The following EPHA5 variants were observed in gnomAD, a reference collection of about 807,000 sequenced individuals.
The protein encoded by EPHA5 is EPH receptor A5.
Under a neutral mutation model 105.0 loss-of-function variants are expected in EPHA5, and 60 were observed. The ratio of observed to expected loss-of-function variants is 0.57; its 90% CI spans 0.46 to 0.71. EPHA5 has a LOEUF of 0.71. Among genes scored for constraint, EPHA5 ranks in the 30% least tolerant of loss-of-function variants. EPHA5 has a pLI of 0.00. For synonymous variants in EPHA5, 513 were observed against 449.1 expected (o/e 1.14, Z -1.80); for missense variants, 1,218 against 1,274.7 (o/e 0.96, Z 0.68).
chr4:65,576,090 AAAG>A (rs1227750460), intron 3 of EPHA5, among the ~76,000 whole-genome samples: 1,329 of 108,452 alleles, frequency 0.012, 45 homozygotes, highest in East Asian at 0.033. Context: ...AAAGAAAAGA[AAAG>A]AAAAGAAAAG....
intron 2 of EPHA5, among the ~76,000 whole-genome samples, chr4:65,607,114 G>A (rs1421909489): frequency 6.6e-6 from 1 of 151,812 alleles, no homozygotes; most frequent in Non-Finnish European, 1.5e-5. Flanking sequence ...GGTATGTTTT[G>A]TTTCACACAC....
intron 1 of EPHA5, among the ~76,000 whole-genome samples, chr4:65,644,122 A>G (rs190624064): frequency 1.3e-5 from 2 of 152,130 alleles, no homozygotes; most frequent in African/African-American, 4.8e-5. Flanking sequence ...GATATATTAT[A>G]TATGGGAATC....
At chr4:65,627,010 C>G (rs1455353392) in intron 2 of EPHA5, among the ~76,000 whole-genome samples, 1 of 152,102 alleles carries the variant, frequency 6.6e-6, no homozygotes, top group Non-Finnish European at 1.5e-5. Flanking sequence ...ATCTGGCCAT[C>G]CAACATACCC....
Position 65,669,811 on chromosome 4 carries a change from G to T in EPHA5, c.-69C>A. ...TCCACCGCTTCGGCCTCGCAGAGCG[G>T]CGAAGGGAGACTCGGGAGTCCTCCT... is the stretch of plus-strand genomic sequence containing the variant. On this transcript the variant is annotated 5_prime_UTR_variant, in exon 1 of 17. Transcript: ENST00000613740. The T allele has an allele frequency of 8.1e-7, 1 of 1,233,926 alleles. No individual in the cohort carries two copies. Among genetic ancestry groups the T allele is most frequent in the Non-Finnish European group, 1.0e-6 (1 of 989,072 alleles). The allele number at this position is 1,233,926 out of a possible 1,614,324, so 76.4% of individuals were successfully genotyped here.
chr4:65,640,275 G>GT (rs36189833), intron 2 of EPHA5, among the ~76,000 whole-genome samples: 72,564 of 127,842 alleles, frequency 0.57, 22,278 homozygotes, highest in Middle Eastern at 0.66. Flanking sequence ...TCATTGCTCA[G>GT]TTTTTTCTTT....
chr4:65,639,658 A>T (rs1407751965), intron 2 of EPHA5, among the ~76,000 whole-genome samples: 3 of 152,136 alleles, frequency 2.0e-5, no homozygotes, highest in African/African-American at 7.2e-5. Context: ...TATTTCCATT[A>T]ATACTTCAAA....
chr4:65,414,454 G>A lies in EPHA5; in HGVS notation c.1528-11C>T, dbSNP rs774832245. On this transcript the variant is annotated splice_polypyrimidine_tract_variant and intron_variant, in intron 6 of 16. Coordinates refer to ENST00000613740, the MANE Select transcript of EPHA5 (RefSeq NM_001281766.3). ...GCTGGTCTCTTGGTCCTTGGGATGCGCATGCATATACAATAAAAAAGACAG... is the reference window on the plus strand; with the variant it reads ...GCTGGTCTCTTGGTCCTTGGGATGCACATGCATATACAATAAAAAAGACAG... 1.2e-5 allele frequency: 20 copies of A among 1,613,112 alleles called. No homozygotes were observed. The highest frequency in any genetic ancestry group is 4.5e-5 in the East Asian group (2 of 44,832).
intron 6 of EPHA5, among the ~76,000 whole-genome samples, chr4:65,417,012 A>C (rs2149027986): frequency 6.6e-6 from 1 of 152,316 alleles, no homozygotes; most frequent in East Asian, 1.9e-4. Flanking sequence ...CAGCTGAGCA[A>C]ATGAGCTACA....
chr4:65,468,394 T>C (rs1002786282), intron 5 of EPHA5, among the ~76,000 whole-genome samples: 8 of 150,614 alleles, frequency 5.3e-5, no homozygotes, highest in African/African-American at 2.0e-4. Context: ...CTTTGAGTAA[T>C]AGAAATCTAT....
At chr4:65,361,643 A>C (rs952737891) in intron 11 of EPHA5, among the ~76,000 whole-genome samples, 1 of 151,746 alleles carries the variant, frequency 6.6e-6, no homozygotes, top group Admixed American at 6.6e-5. Flanking sequence ...GATAATTATA[A>C]ATTTACAAAG....
chr4:65,432,271 T>G (rs1200277878), intron 5 of EPHA5, among the ~76,000 whole-genome samples: 1 of 152,214 alleles, frequency 6.6e-6, no homozygotes, highest in Non-Finnish European at 1.5e-5. Flanking sequence ...ATTTGCTTTT[T>G]GAAGTAATGG....
intron 4 of EPHA5, among the ~76,000 whole-genome samples, chr4:65,492,287 C>T (rs376163824): frequency 4.4e-4 from 67 of 151,982 alleles, no homozygotes; most frequent in Middle Eastern, 3.4e-3. Flanking sequence ...TTGCCACCTC[C>T]GCCTCCCAGG....
intron 1 of EPHA5, among the ~76,000 whole-genome samples, chr4:65,646,293 G>C (rs751964087): frequency 8.5e-5 from 13 of 152,066 alleles, no homozygotes; most frequent in Non-Finnish European, 2.9e-5. Flanking sequence ...TTTGACTCAC[G>C]CCTATGAACC....
intron 3 of EPHA5, among the ~76,000 whole-genome samples, chr4:65,538,325 C>CA (rs749233711): frequency 7.9e-5 from 12 of 151,620 alleles, no homozygotes; most frequent in Non-Finnish European, 1.6e-4. Context: ...ACCAATTCAG[C>CA]AAAAATGTTT....
chr4:65,425,355 T>G (rs1028638238), intron 5 of EPHA5, among the ~76,000 whole-genome samples: 11 of 152,142 alleles, frequency 7.2e-5, no homozygotes, highest in African/African-American at 2.7e-4. Flanking sequence ...CTCACTGCTA[T>G]GCACACTTTA....
chr4:65,473,091 A>T (rs1229351830), intron 5 of EPHA5, among the ~76,000 whole-genome samples: 1 of 152,182 alleles, frequency 6.6e-6, no homozygotes, highest in African/African-American at 2.4e-5. Flanking sequence ...GCATAGCAAG[A>T]ATGACCTTTT....
intron 8 of EPHA5, among the ~76,000 whole-genome samples, chr4:65,367,811 A>G (rs1004697817): frequency 2.6e-5 from 4 of 151,926 alleles, no homozygotes; most frequent in Non-Finnish European, 5.9e-5. Context: ...CTGATCTAAT[A>G]GTTTCTTGCC....
intron 14 of EPHA5, 112 bp from the exon 15 acceptor site, chr4:65,336,237 T>G: frequency 1.4e-6 from 1 of 721,520 alleles, no homozygotes; most frequent in Non-Finnish European, 2.0e-6. Context: ...ACTCTTGCAA[T>G]AACAACTAGC....
Position 65,328,887 on chromosome 4 carries a change from T to A in EPHA5, c.2945+3086A>T, listed in dbSNP as rs867534447. Among the ~76,000 whole-genome samples the A allele has an allele frequency of 2.6e-5, 4 of 151,284 alleles. 1 individual carries two copies. Among genetic ancestry groups the A allele is most frequent in the Middle Eastern group, 3.4e-3 (1 of 294 alleles). On this transcript the variant is annotated intron_variant, in intron 16 of 16. Coordinates refer to ENST00000613740, the MANE Select transcript of EPHA5 (RefSeq NM_001281766.3). ...AAGTTAATAAATCTATTTCAATTAA[T>A]CTGTAAAGATTTTGCCTCTGGATTT...
Sources: gnomAD v4.1 joint callset for allele counts (sites outside exome capture counted in the v4.1 genomes callset) on GRCh38, gnomAD v4.1.1 for gene constraint, MANE v1.5 for transcripts, NCBI Gene and HGNC (gene_info 2026-07-23, HGNC 2026-07-21) for gene names.